The following IRF8 variants were observed in gnomAD, a reference collection of about 807,000 sequenced individuals.
The protein encoded by IRF8 is interferon regulatory factor 8, also known as interferon consensus sequence binding protein 1.
IRF8 carries 14 observed loss-of-function variants against 48.7 expected under a neutral mutation model. The ratio of observed to expected loss-of-function variants is 0.29; its 90% CI spans 0.19 to 0.45. The LOEUF (loss-of-function observed/expected upper bound fraction) is 0.45, where lower values mean the gene tolerates loss of function less well. Ranked by LOEUF, IRF8 falls within the 20% of genes least tolerant of loss-of-function variation. IRF8 has a pLI of 1.00. For missense variants in IRF8, 493 were observed against 580.7 expected, an observed-to-expected ratio of 0.85 and a Z score of 1.55; for synonymous variants, 278 against 227.3, an observed-to-expected ratio of 1.22 and a Z score of -2.01.
At chr16:85,903,232 C>G (rs370763438) in intron 2 of IRF8, 43 bp downstream of exon 2, 14 of 1,527,212 alleles carry the variant, frequency 9.2e-6, no homozygotes, top group African/African-American at 8.2e-5. Flanking sequence ...CACAGTGTCT[C>G]CTTTCCCTCA....
intron 6 of IRF8, among the ~76,000 whole-genome samples, chr16:85,917,642 C>T (rs1905358684): frequency 6.6e-6 from 1 of 152,136 alleles, no homozygotes; most frequent in Admixed American, 6.5e-5. Context: ...GAATTTGGAG[C>T]CCTAAGTTCA....
At chr16:85,907,045 G>A (rs1022684649) in intron 2 of IRF8, among the ~76,000 whole-genome samples, 1 of 152,168 alleles carries the variant, frequency 6.6e-6, no homozygotes, top group Non-Finnish European at 1.5e-5. Context: ...CCAAATTAAT[G>A]CCCGGTCAGT....
chr16:85,909,300 T>C (rs1905082326), intron 3 of IRF8, 127 bp downstream of exon 3: 2 of 768,066 alleles, frequency 2.6e-6, no homozygotes, highest in African/African-American at 1.7e-5. Context: ...AAAGCAGTTC[T>C]CTCCTTCGTG....
At chr16:85,902,379 T>C (rs935323487) in intron 1 of IRF8, among the ~76,000 whole-genome samples, 1 of 152,228 alleles carries the variant, frequency 6.6e-6, no homozygotes, top group Non-Finnish European at 1.5e-5. Context: ...GGGTAGCTGA[T>C]GCCCTGAGTT....
rs914782002 is a variant in IRF8, at chr16:85,910,071, G to T, written c.358+898G>T. ...AGTTTGCACTCTTCCCGCTGTGGGGGTGTTGACTTAGAATTTTTTAAGAAG... is the reference window on the plus strand; with the variant it reads ...AGTTTGCACTCTTCCCGCTGTGGGGTTGTTGACTTAGAATTTTTTAAGAAG... On this transcript the variant is annotated intron_variant, in intron 3 of 8. Coordinates refer to ENST00000268638, the MANE Select transcript of IRF8 (RefSeq NM_002163.4). Among the ~76,000 whole-genome samples, 5 of 152,224 alleles carry T rather than the reference G, an allele frequency of 3.3e-5. No individual in the cohort carries two copies. The East Asian group carries it at 5.8e-4, about 18-fold the overall frequency.
chr16:85,912,137 G>T (rs565518468), intron 4 of IRF8, among the ~76,000 whole-genome samples: 34 of 152,316 alleles, frequency 2.2e-4, no homozygotes, highest in African/African-American at 7.9e-4. Context: ...ATTCCTTAAC[G>T]GATTGGAAAG....
In IRF8 at chr16:85,921,906, T is replaced by C. The variant is rs1388049298; in HGVS notation, c.*624T>C. ...GTGTTCATATCCAGGCAAACGGGTGTGTTTTTATCTTCAGACAATGAAACC... is the reference window on the plus strand; with the variant it reads ...GTGTTCATATCCAGGCAAACGGGTGCGTTTTTATCTTCAGACAATGAAACC... On this transcript the variant is annotated 3_prime_UTR_variant, in exon 9 of 9. Transcript: ENST00000268638. 6.5e-6 allele frequency: 1 copy of C among 153,114 alleles called. No homozygotes were observed. Among genetic ancestry groups the C allele is most frequent in the African/African-American group, 2.4e-5 (1 of 41,478 alleles). 9.5% of individuals were successfully genotyped at this position (153,114 alleles called of 1,614,324 possible).
intron 4 of IRF8, 44 bp from the exon 5 acceptor site, chr16:85,913,087 A>T (rs938312591): frequency 7.4e-7 from 1 of 1,352,104 alleles, no homozygotes. Context: ...CAGGTGGGAG[A>T]TCAGTGACTG....
intron 1 of IRF8, among the ~76,000 whole-genome samples, chr16:85,901,838 A>G (rs961143501): frequency 5.3e-5 from 8 of 151,452 alleles, no homozygotes; most frequent in Non-Finnish European, 8.8e-5. Context: ...GCTCTACCAT[A>G]TTTTGGGATG....
intron 2 of IRF8, among the ~76,000 whole-genome samples, chr16:85,905,504 C>T (rs1935818187): frequency 6.6e-6 from 1 of 152,236 alleles, no homozygotes; most frequent in Non-Finnish European, 1.5e-5. Context: ...TGAAATGAGT[C>T]TACCATCTCA....
At chr16:85,913,836 C>G (rs1905216747) in intron 5 of IRF8, 2 of 170,832 alleles carry the variant, frequency 1.2e-5, no homozygotes, top group Admixed American at 1.1e-4. Context: ...AGGCATTCAT[C>G]CTTTGATTCT....
chr16:85,902,842 A>AGGCCAGCATTGCCTTCTCATGGC, intron 1 of IRF8, 173 bp from the exon 2 acceptor site: 1 of 709,282 alleles, frequency 1.4e-6, no homozygotes, highest in Admixed American at 2.0e-5. Context: ...GAGGTCATGG[A>AGGCCAGCATTGCCTTCTCATGGC]GGCCAGCATT....
chr16:85,900,765 C>T (rs1380286220), intron 1 of IRF8, among the ~76,000 whole-genome samples: 9 of 152,228 alleles, frequency 5.9e-5, no homozygotes, highest in Non-Finnish European at 1.2e-4. Context: ...CTATGACTTA[C>T]TCTTCTCTTT....
intron 4 of IRF8, 60 bp from the exon 5 acceptor site, chr16:85,913,071 G>C: frequency 8.7e-7 from 1 of 1,143,936 alleles, no homozygotes; most frequent in Non-Finnish European, 1.3e-6. Flanking sequence ...ACAAACACTG[G>C]AGCCCCAGGT....
At chr16:85,904,812 C>CTTTTTTTGTTTTTTTTTTT (rs1904941699) in intron 2 of IRF8, among the ~76,000 whole-genome samples, 1 of 87,598 alleles carries the variant, frequency 1.1e-5, no homozygotes, top group East Asian at 3.7e-4. Flanking sequence ...GATTGCAGAT[C>CTTTTTTTGTTTTTTTTTTT]TTTTTTTTTT....
At chr16:85,919,909 A>T (rs186364422) in intron 7 of IRF8, among the ~76,000 whole-genome samples, 200 bp from the exon 8 acceptor site, 3 of 152,360 alleles carry the variant, frequency 2.0e-5, no homozygotes, top group Non-Finnish European at 4.4e-5. Flanking sequence ...AGGCATTAAA[A>T]TCCCGGCAAC....
rs571665546 is a variant in IRF8 at position 85,915,820 on chromosome 16, T to C, written c.601+1300T>C. On this transcript the variant is annotated intron_variant, in intron 6 of 8. Coordinates refer to ENST00000268638, the MANE Select transcript of IRF8 (RefSeq NM_002163.4). The stretch of plus-strand genomic sequence containing the variant: ...TCTCGGTGAGATGCAGAGGCACAAT[T>C]TGGGGAGAGCATGTCCTTGAATTAG... Among the ~76,000 whole-genome samples, 13 of 151,896 alleles carry C rather than the reference T, an allele frequency of 8.6e-5. No homozygotes were observed. In the South Asian group the frequency reaches 2.5e-3, roughly 29 times the overall value.
At chr16:85,916,798 G>C (rs549784180) in intron 6 of IRF8, among the ~76,000 whole-genome samples, 1 of 152,364 alleles carries the variant, frequency 6.6e-6, no homozygotes, top group East Asian at 1.9e-4. Context: ...CAGTGCAGAA[G>C]TTGCAGACTT....
At chr16:85,900,277 T>C (rs776027387) in intron 1 of IRF8, among the ~76,000 whole-genome samples, 1 of 152,178 alleles carries the variant, frequency 6.6e-6, no homozygotes, top group South Asian at 2.1e-4. Context: ...CAACCTCTTA[T>C]CACGTCCCTC....
Sources: gnomAD v4.1 joint callset for allele counts (sites outside exome capture counted in the v4.1 genomes callset) on GRCh38, gnomAD v4.1.1 for gene constraint, MANE v1.5 for transcripts, NCBI Gene and HGNC (gene_info 2026-07-23, HGNC 2026-07-21) for gene names.